PCDH15: variants seen among roughly 807,000 people sequenced by gnomAD.
The protein encoded by PCDH15 is protocadherin related 15.
In PCDH15, 129 loss-of-function variants were observed where a neutral mutation model predicts 178.5. The observed-to-expected ratio is 0.72, with a 90% CI of 0.63 to 0.84. The LOEUF (loss-of-function observed/expected upper bound fraction) is 0.84. PCDH15 is among the 40% of genes least tolerant of loss of function. The pLI is 0.00. For missense variants in PCDH15, 2,230 were observed against 2,099.9 expected, an observed-to-expected ratio of 1.06 and a Z score of -1.21; for synonymous variants, 800 against 732.0, an observed-to-expected ratio of 1.09 and a Z score of -1.50.
intron 1 of PCDH15, among the ~76,000 whole-genome samples, chr10:54,724,468 C>T (rs1942147801): frequency 6.6e-6 from 1 of 151,246 alleles, no homozygotes; most frequent in South Asian, 2.1e-4. Flanking sequence ...GAAGCCCAGT[C>T]CCTAACCAAT....
intron 1 of PCDH15, among the ~76,000 whole-genome samples, chr10:55,198,921 C>T (rs552135539): frequency 6.6e-6 from 1 of 152,232 alleles, no homozygotes; most frequent in African/African-American, 2.4e-5. Context: ...AGCCACGCTT[C>T]CTGTACAGCC....
At chr10:54,085,932 C>A (rs918255011) in intron 16 of PCDH15, among the ~76,000 whole-genome samples, 2 of 151,912 alleles carry the variant, frequency 1.3e-5, no homozygotes, top group African/African-American at 4.8e-5. Context: ...TTAAAGTATA[C>A]AATAGACATG....
At chr10:54,235,170 A>C (rs1310017835) in intron 9 of PCDH15, among the ~76,000 whole-genome samples, 2 of 152,180 alleles carry the variant, frequency 1.3e-5, no homozygotes, top group African/African-American at 4.8e-5. Flanking sequence ...TGCAACTTCT[A>C]CTACAATCCT....
chr10:54,017,995 G>C (rs2092796793), intron 20 of PCDH15, among the ~76,000 whole-genome samples: 1 of 152,010 alleles, frequency 6.6e-6, no homozygotes, highest in Admixed American at 6.6e-5. Context: ...TTACTTTGTT[G>C]TCTAAGAAAA....
intron 1 of PCDH15, among the ~76,000 whole-genome samples, chr10:55,268,315 C>A (rs766164982): frequency 2.6e-5 from 4 of 152,124 alleles, no homozygotes; most frequent in African/African-American, 4.8e-5. Context: ...CCTTCTCACT[C>A]CCACCAACCC....
intron 2 of PCDH15, among the ~76,000 whole-genome samples, chr10:55,379,927 G>A (rs901707900): frequency 5.3e-5 from 8 of 152,008 alleles, no homozygotes; most frequent in Admixed American, 2.0e-4. Flanking sequence ...GTACTAAAGA[G>A]TAAAGAAAAT....
chr10:55,220,410 A>G (rs1355795633), intron 1 of PCDH15, among the ~76,000 whole-genome samples: 2 of 152,080 alleles, frequency 1.3e-5, no homozygotes, highest in African/African-American at 4.8e-5. Context: ...AGAATCATCC[A>G]CAGAAAGATA....
At chr10:54,718,028 G>A (rs543704565) in intron 1 of PCDH15, among the ~76,000 whole-genome samples, 41 of 148,924 alleles carry the variant, frequency 2.8e-4, no homozygotes, top group African/African-American at 7.3e-4. Context: ...ACCAAACACC[G>A]CACAGTCTCA....
intron 2 of PCDH15, among the ~76,000 whole-genome samples, chr10:55,079,110 T>C (rs1841977929): frequency 1.3e-5 from 2 of 152,216 alleles, no homozygotes; most frequent in Non-Finnish European, 2.9e-5. Flanking sequence ...GACTTTCTTT[T>C]TTATTGTGAT....
chr10:55,574,939 T>A (rs545882550), intron 2 of PCDH15, among the ~76,000 whole-genome samples: 49 of 152,228 alleles, frequency 3.2e-4, no homozygotes, highest in Non-Finnish European at 5.9e-4. Context: ...CTAGAAAATG[T>A]ATGATTATTT....
intron 1 of PCDH15, among the ~76,000 whole-genome samples, chr10:54,734,370 G>T (rs1017024035): frequency 1.3e-5 from 2 of 151,738 alleles, no homozygotes; most frequent in Non-Finnish European, 2.9e-5. Context: ...TTTTTTAAAG[G>T]CTAAGATTAC....
intron 26 of PCDH15, among the ~76,000 whole-genome samples, chr10:53,895,594 T>C (rs576855710): frequency 5.3e-5 from 8 of 152,200 alleles, no homozygotes; most frequent in Non-Finnish European, 1.2e-4. Context: ...GGAAAATATC[T>C]TCATAATTCA....
chr10:54,123,217 G>A (rs555982199), intron 15 of PCDH15, among the ~76,000 whole-genome samples: 4 of 152,094 alleles, frequency 2.6e-5, no homozygotes, highest in South Asian at 4.2e-4. Context: ...AGAAACCATC[G>A]ACAGAGTGAA....
intron 1 of PCDH15, among the ~76,000 whole-genome samples, chr10:54,732,659 G>C (rs1943570452): frequency 6.6e-6 from 1 of 151,506 alleles, no homozygotes; most frequent in Admixed American, 6.6e-5. Context: ...AAAAATAGAA[G>C]AGGAAGTAAC....
At chr10:54,025,082 A>G (rs2093041978) in intron 18 of PCDH15, among the ~76,000 whole-genome samples, 1 of 152,096 alleles carries the variant, frequency 6.6e-6, no homozygotes, top group South Asian at 2.1e-4. Context: ...GACCCATATA[A>G]TTGAATATTT....
At chr10:55,573,360 A>G (rs1224578598) in intron 2 of PCDH15, among the ~76,000 whole-genome samples, 1 of 152,098 alleles carries the variant, frequency 6.6e-6, no homozygotes, top group Non-Finnish European at 1.5e-5. Context: ...TTCCTGAAAA[A>G]ATATTCAGTT....
intron 2 of PCDH15, among the ~76,000 whole-genome samples, chr10:55,549,798 A>G (rs1841967564): frequency 6.6e-6 from 1 of 152,088 alleles, no homozygotes; most frequent in Non-Finnish European, 1.5e-5. Flanking sequence ...CAGTAGAGGA[A>G]ATAGTGGGAA....
At chr10:55,210,559 G>C (rs1286240029) in intron 1 of PCDH15, among the ~76,000 whole-genome samples, 2 of 145,456 alleles carry the variant, frequency 1.4e-5, no homozygotes, top group South Asian at 2.2e-4. Context: ...GGAATTTTGC[G>C]GGGGGAAAAA....
chr10:53,962,255 G>A (rs2088426307), intron 21 of PCDH15, among the ~76,000 whole-genome samples: 1 of 151,996 alleles, frequency 6.6e-6, no homozygotes, highest in Admixed American at 6.6e-5. Flanking sequence ...TGTTGCCCAG[G>A]CTGGAGTGCA....
Sources: gnomAD v4.1 joint callset for allele counts (sites outside exome capture counted in the v4.1 genomes callset) on GRCh38, gnomAD v4.1.1 for gene constraint, MANE v1.5 for transcripts, NCBI Gene and HGNC (gene_info 2026-07-23, HGNC 2026-07-21) for gene names.